ZNF568: variants seen among roughly 807,000 people sequenced by gnomAD.
The protein encoded by ZNF568 is p53 inhibitor of SCO2 activation.
ZNF568 carries 11 observed loss-of-function variants against 18.1 expected under a neutral mutation model. That is an observed-to-expected ratio of 0.61 (90% CI 0.38 to 1.00). The LOEUF (loss-of-function observed/expected upper bound fraction) is 1.00, where lower values mean the gene tolerates loss of function less well. Ranked by LOEUF, ZNF568 falls within the 50% of genes least tolerant of loss-of-function variation. ZNF568 has a pLI of 0.01. For missense variants in ZNF568, 639 were observed against 768.2 expected, an observed-to-expected ratio of 0.83 and a Z score of 1.99; for synonymous variants, 213 against 246.6, an observed-to-expected ratio of 0.86 and a Z score of 1.28.
rs2073344442 is a variant in ZNF568 at position 36,916,853 on chromosome 19, G to T, written c.-256+262G>T. Among the ~76,000 whole-genome samples the T allele has an allele frequency of 6.6e-6, 1 of 152,080 alleles. No individual in the cohort carries two copies. Among genetic ancestry groups the T allele is most frequent in the African/African-American group, 2.4e-5 (1 of 41,402 alleles). On this transcript the variant is annotated intron_variant, in intron 1 of 6. Transcript: ENST00000333987. The surrounding 1 kb of genome is among the most constrained non-coding windows in gnomAD (Gnocchi z 5.3). ...CTTTTCTGTAGCATTTGGCACAGTT[G>T]GTAACGGCTTGAAAAACACTTATTT... is the stretch of plus-strand genomic sequence containing the variant.
intron 6 of ZNF568, among the ~76,000 whole-genome samples, chr19:36,948,784 A>C (rs977057245): frequency 2.2e-5 from 3 of 134,342 alleles, no homozygotes; most frequent in African/African-American, 8.2e-5. Flanking sequence ...TTTTCTTGTT[A>C]TTGCATTAGG....
intron 4 of ZNF568, among the ~76,000 whole-genome samples, chr19:36,934,716 A>G (rs763525434): frequency 3.3e-5 from 5 of 152,200 alleles, no homozygotes; most frequent in Non-Finnish European, 5.9e-5. Flanking sequence ...ACTTGCTTTA[A>G]TGGCATTCCA....
chr19:36,952,300 CAT>C lies in ZNF568; in HGVS notation c.*1217_*1218del, dbSNP rs1292550506. ...TCTTAAAAAAAAAGAAATATATAGA[CAT>C]ATATCTGCATTGAAAACAACCTAAA... On this transcript the variant is annotated 3_prime_UTR_variant, in exon 7 of 7. Coordinates refer to ENST00000333987, the MANE Select transcript of ZNF568 (RefSeq NM_198539.4). The C allele has an allele frequency of 1.3e-5, 2 of 152,650 alleles. No individual in the cohort carries two copies. The highest frequency in any genetic ancestry group is 3.9e-4 in the East Asian group (2 of 5,158). The allele number at this position is 152,650 out of a possible 1,614,324, so 9.5% of individuals were successfully genotyped here. A position where few individuals can be genotyped will look rare whatever the true frequency, so the allele number is the denominator to read the frequency against.
At chr19:36,989,541 AG>A (rs2074406158) in intron 2 of ZNF568, among the ~76,000 whole-genome samples, 1 of 152,240 alleles carries the variant, frequency 6.6e-6, no homozygotes, top group East Asian at 1.9e-4. Flanking sequence ...GGTATTTATC[AG>A]CAAACCTCTT....
Position 36,966,662 on chromosome 19 carries a change from G to A in ZNF568, c.359-7758G>A, listed in dbSNP as rs2074197243. Among the ~76,000 whole-genome samples the A allele has an allele frequency of 2.0e-5, 3 of 152,170 alleles. No individual in the cohort carries two copies. In the South Asian group the frequency reaches 6.2e-4, roughly 31 times the overall value. ...ATTAAGCTTTGTCAGTAGAGGGTGT[G>A]GACATTGAAGAGGGACATTGAAGGA... On this transcript the variant is annotated intron_variant, in intron 6 of 7. Coordinates refer to the ZNF568 transcript ENST00000427117.
intron 2 of ZNF568, 37 bp from the exon 3 acceptor site, chr19:36,922,549 G>A (rs979025471): frequency 7.5e-6 from 3 of 402,164 alleles, no homozygotes; most frequent in African/African-American, 6.1e-5. Context: ...CCAGTGAGAA[G>A]GCACCAGGTA....
At chr19:36,997,878 G>C (rs2074493717), downstream of ZNF568, 1 of 355,866 alleles carries the variant, frequency 2.8e-6, no homozygotes, top group Non-Finnish European at 5.2e-6. Flanking sequence ...TGATACAACT[G>C]GTGAAAAATT....
At position 36,949,894 on chromosome 19, in the gene ZNF568, G is replaced by A; in HGVS notation, c.741G>A (p.Glu247=). 6.2e-7 allele frequency: 1 copy of A among 1,613,860 alleles called. No homozygotes were observed. The highest frequency in any genetic ancestry group is 8.5e-7 in the Non-Finnish European group (1 of 1,179,894). ...GACATGAGCGAATTCATGCTGGAGA[G>A]AAACCTTACGAATGTAAAGAATGTG... ...LIRHERIHAG[E]KPYECKECGK... The change falls in exon 7 of 7, where the codon GAG becomes GAA. Residue 247 remains glutamate, a synonymous_variant. Coordinates refer to ENST00000333987, the MANE Select transcript of ZNF568 (RefSeq NM_198539.4).
chr19:36,927,727 T>C (rs558277329), intron 4 of ZNF568, among the ~76,000 whole-genome samples: 1 of 149,806 alleles, frequency 6.7e-6, no homozygotes, highest in African/African-American at 2.4e-5. Context: ...GTTTATCTAG[T>C]TCTAGGAAGA....
intron 6 of ZNF568, among the ~76,000 whole-genome samples, chr19:36,960,914 T>A (rs2074143940): frequency 6.6e-6 from 1 of 152,172 alleles, no homozygotes. Flanking sequence ...TTTAAAAATT[T>A]GTTGAGACTT....
intron 6 of ZNF568, among the ~76,000 whole-genome samples, chr19:36,965,677 C>A (rs1439396863): frequency 6.6e-6 from 1 of 151,442 alleles, no homozygotes; most frequent in African/African-American, 2.4e-5. Flanking sequence ...ATTATGGCAT[C>A]CCCCCAGTTT....
At chr19:36,997,259 T>C (rs773698316), downstream of ZNF568, 3 of 1,604,546 alleles carry the variant, frequency 1.9e-6, no homozygotes, top group South Asian at 1.1e-5. Flanking sequence ...TCACATCTTA[T>C]TCGACATCAG....
intron 6 of ZNF568, among the ~76,000 whole-genome samples, chr19:36,960,964 C>G (rs2074144479): frequency 1.3e-5 from 2 of 152,018 alleles, no homozygotes; most frequent in South Asian, 4.1e-4. Flanking sequence ...GGAGAATGTT[C>G]CATGTACTGA....
chr19:36,985,020 A>C (rs2074363955), intron 2 of ZNF568, among the ~76,000 whole-genome samples: 1 of 151,984 alleles, frequency 6.6e-6, no homozygotes, highest in African/African-American at 2.4e-5. Flanking sequence ...CCATTTTCTT[A>C]ATTCTTTCTC....
Position 36,950,837 on chromosome 19 carries a change from G to C in ZNF568, c.1684G>C (p.Glu562Gln), listed in dbSNP as rs2074048271. The C allele has an allele frequency of 6.2e-7, 1 of 1,613,778 alleles. No homozygotes were observed. The highest frequency in any genetic ancestry group is 8.5e-7 in the Non-Finnish European group (1 of 1,179,948). The change falls in exon 7 of 7, where the codon GAA becomes CAA. Residue 562 changes from glutamate (E) to glutamine (Q), a missense_variant. Coordinates refer to ENST00000333987, the MANE Select transcript of ZNF568 (RefSeq NM_198539.4). ...TGGAGAGAAACCATTCAAATGTAAT[G>C]AATGTGGTAAAGCCTTCTCTCGAAT... ...HTGEKPFKCNECGKAFSRISS... is the reference protein window; with the variant it reads ...HTGEKPFKCNQCGKAFSRISS...
intron 4 of ZNF568, among the ~76,000 whole-genome samples, chr19:36,993,529 G>A (rs918348122): frequency 1.3e-5 from 2 of 151,978 alleles, no homozygotes; most frequent in African/African-American, 4.8e-5. Context: ...TTTGCTCCTC[G>A]GCTTTTCTTT....
At chr19:36,925,561 T>G (rs1421858655) in intron 4 of ZNF568, among the ~76,000 whole-genome samples, 1 of 152,162 alleles carries the variant, frequency 6.6e-6, no homozygotes, top group Non-Finnish European at 1.5e-5. Flanking sequence ...CTTACAATTA[T>G]TTAAGTAAAA....
intron 7 of ZNF568, among the ~76,000 whole-genome samples, chr19:36,974,896 A>C (rs1644649): frequency 1.4e-5 from 2 of 147,070 alleles, no homozygotes; most frequent in African/African-American, 5.1e-5. Context: ...GTGTGATCTC[A>C]GCTCACTGCA....
In ZNF568 at chr19:36,950,504, T is replaced by C; in HGVS notation, c.1351T>C (p.Cys451Arg). 4 of 1,613,912 alleles carry C rather than the reference T, an allele frequency of 2.5e-6. No homozygotes were observed. Among genetic ancestry groups the C allele is most frequent in the Non-Finnish European group, 3.4e-6 (4 of 1,179,968 alleles). The stretch of plus-strand genomic sequence containing the variant: ...TGAGAAACCCTATGAATGTAAGGAA[T>C]GTGGAAAAGCCTTCAGCAGGAAAGA... The part of the protein sequence containing the change: ...TAEKPYECKE[C>R]GKAFSRKENL... Residue 451 changes from cysteine to arginine, a missense_variant, in exon 7 of 7, where the codon TGT becomes CGT. By Grantham distance (180) the Cys-to-Arg change is radical. Transcript: ENST00000333987.
Sources: allele counts gnomAD v4.1 joint callset (sites outside exome capture counted in the v4.1 genomes callset), GRCh38; gene constraint gnomAD v4.1.1; non-coding constraint Gnocchi (gnomAD v3.1); transcripts MANE v1.5; gene names NCBI Gene and HGNC (gene_info 2026-07-23, HGNC 2026-07-21).